SMIM22: variants seen among roughly 807,000 people sequenced by gnomAD.
The protein encoded by SMIM22 is small integral membrane protein 22.
SMIM22 carries 16 observed loss-of-function variants against 8.4 expected under a neutral mutation model. That is an observed-to-expected ratio of 1.90 (90% CI 1.29 to 2.89). SMIM22 has a LOEUF of 2.89. Ranked by LOEUF, SMIM22 falls within the 30% of genes most tolerant of loss-of-function variation. SMIM22 has a pLI of 0.00. For synonymous variants in SMIM22, 67 were observed against 47.6 expected, an observed-to-expected ratio of 1.41 and a Z score of -1.68; for missense variants, 159 against 107.5, an observed-to-expected ratio of 1.48 and a Z score of -2.12.
At chr16:4,794,299 G>T (rs957594844), upstream of SMIM22, among the ~76,000 whole-genome samples, 1 of 151,810 alleles carries the variant, frequency 6.6e-6, no homozygotes, top group Middle Eastern at 3.2e-3. Flanking sequence ...AGTAGAGATG[G>T]GGTTTTACCG....
chr16:4,794,988 A>G (rs2082609775), upstream of SMIM22: 1 of 152,364 alleles, frequency 6.6e-6, no homozygotes, highest in African/African-American at 2.4e-5. Context: ...GTACCCACGG[A>G]GGTGCTGGAA....
At chr16:4,793,845 T>G (rs1285382920), upstream of SMIM22, among the ~76,000 whole-genome samples, 1 of 151,890 alleles carries the variant, frequency 6.6e-6, no homozygotes. Flanking sequence ...GGTGCCATCT[T>G]GGCTCACTGC....
upstream of SMIM22, among the ~76,000 whole-genome samples, chr16:4,793,528 C>T (rs139997797): frequency 2.1e-4 from 32 of 152,198 alleles, no homozygotes; most frequent in East Asian, 4.8e-3. Flanking sequence ...GCACAGTGCT[C>T]GATGCAGAGC....
Position 4,796,250 on chromosome 16 carries a change from G to C in SMIM22, c.*19G>C. On this transcript the variant is annotated 3_prime_UTR_variant, in exon 4 of 4. Transcript: ENST00000586005. ...ACCCTGACCCTGTGTCTCCTGCCCG[G>C]TGGCAGTAACAAAGCCTTCTGTCTG... The C allele has an allele frequency of 6.5e-7, 1 of 1,535,316 alleles. No individual in the cohort carries two copies. Among genetic ancestry groups the C allele is most frequent in the Non-Finnish European group, 8.7e-7 (1 of 1,146,586 alleles).
upstream of SMIM22, among the ~76,000 whole-genome samples, chr16:4,794,581 T>TG (rs2082603055): frequency 1.3e-5 from 2 of 152,082 alleles, no homozygotes; most frequent in Non-Finnish European, 2.9e-5. Context: ...CCACCACGCC[T>TG]GGCTAATTTT....
At chr16:4,792,408 T>A (rs1235401118), upstream of SMIM22, among the ~76,000 whole-genome samples, 1 of 150,134 alleles carries the variant, frequency 6.7e-6, no homozygotes, top group African/African-American at 2.4e-5. Context: ...GCCAGGATGG[T>A]CTCGATCTCC....
chr16:4,793,673 A>G (rs1241354834), upstream of SMIM22, among the ~76,000 whole-genome samples: 1 of 152,216 alleles, frequency 6.6e-6, no homozygotes, highest in East Asian at 1.9e-4. Flanking sequence ...AAATATTTGG[A>G]AACAAATCAC....
rs2082645920 is a variant in SMIM22, at chr16:4,796,423, G to A, written c.*192G>A. 2 of 677,758 alleles carry A rather than the reference G, an allele frequency of 3.0e-6. 1 individual carries two copies. The highest frequency in any genetic ancestry group is 3.8e-5 in the South Asian group (2 of 52,352). 42.0% of individuals were successfully genotyped at this position (677,758 alleles called of 1,614,324 possible). A position where few individuals can be genotyped will look rare whatever the true frequency, so the allele number is the denominator to read the frequency against. On this transcript the variant is annotated 3_prime_UTR_variant, in exon 4 of 4. Transcript: ENST00000586005. ...CATCCTCAGTCACCTAGCTGGGAGG[G>A]GAGCTGGTCTCAGGCCGGGCGCGGT...
chr16:4,793,873 T>TTCAAGCGATTCTCC (rs1259331649), upstream of SMIM22, among the ~76,000 whole-genome samples: 1 of 151,934 alleles, frequency 6.6e-6, no homozygotes, highest in Non-Finnish European at 1.5e-5. Flanking sequence ...GCCTCCTGGG[T>TTCAAGCGATTCTCC]TCAAGCGATT....
chr16:4,795,499 T>G, intron 1 of SMIM22, 50 bp downstream of exon 1: 1 of 568,606 alleles, frequency 1.8e-6, no homozygotes, highest in South Asian at 2.2e-5. Context: ...AGAGGGGAGA[T>G]GACAGTGGCT....
Position 4,795,974 on chromosome 16 carries a change from G to C in SMIM22, c.151G>C (p.Val51Leu), listed in dbSNP as rs1199177375. The C allele has an allele frequency of 6.6e-7, 1 of 1,505,636 alleles. No homozygotes were observed. The highest frequency in any genetic ancestry group is 1.4e-5 in the African/African-American group (1 of 72,366). 93.3% of individuals were successfully genotyped at this position (1,505,636 alleles called of 1,614,324 possible). Residue 51 changes from valine to leucine, a missense_variant, in exon 3 of 4, where the codon GTC becomes CTC. Coordinates refer to ENST00000586005, the MANE Select transcript of SMIM22 (RefSeq NM_001253794.2). ...CACCGTGCTGCTCCTGCTGCTGCTGGTCGTCGCCCACTGCTGCTGCTGCAG... is the reference window on the plus strand; with the variant it reads ...CACCGTGCTGCTCCTGCTGCTGCTGCTCGTCGCCCACTGCTGCTGCTGCAG... Reference protein sequence around the residue: ...MGTVLLLLLLVVAHCCCCSSP... With the variant: ...MGTVLLLLLLLVAHCCCCSSP...
At chr16:4,794,678 C>T (rs1210221992), upstream of SMIM22, among the ~76,000 whole-genome samples, 1 of 152,220 alleles carries the variant, frequency 6.6e-6, no homozygotes, top group African/African-American at 2.4e-5. Flanking sequence ...CCTCTGCCTC[C>T]CAAAGTGCTG....
chr16:4,791,065 A>T (rs1335918101), upstream of SMIM22, among the ~76,000 whole-genome samples: 1 of 152,188 alleles, frequency 6.6e-6, no homozygotes, highest in Non-Finnish European at 1.5e-5. Flanking sequence ...CAGTAGACGT[A>T]CCTCTGGGGA....
chr16:4,789,954 AC>A (rs1340973459), intron 2 of SMIM22: 1 of 142,902 alleles, frequency 7.0e-6, no homozygotes, highest in Non-Finnish European at 1.5e-5. Context: ...TCACTTTGTC[AC>A]CCAAGTTGGA....
upstream of SMIM22, among the ~76,000 whole-genome samples, chr16:4,791,500 C>T (rs1325720892): frequency 2.0e-5 from 3 of 152,118 alleles, no homozygotes; most frequent in Non-Finnish European, 4.4e-5. Flanking sequence ...TATTAACATA[C>T]CCATTTTACA....
chr16:4,796,341 CCA>C lies in SMIM22; in HGVS notation c.*112_*113del. Reference sequence around the variant, plus strand: ...GGTGGGTGACGCGGGACTCGCCGCCCCACTCAGGTGGCCACCTGGCCTCTCCA... The same window carrying C: ...GGTGGGTGACGCGGGACTCGCCGCCCCTCAGGTGGCCACCTGGCCTCTCCA... On this transcript the variant is annotated 3_prime_UTR_variant, in exon 4 of 4. Transcript: ENST00000586005. 1 of 1,330,924 alleles carries C rather than the reference CCA, an allele frequency of 7.5e-7. No homozygotes were observed. The allele number at this position is 1,330,924 out of a possible 1,614,324, so 82.4% of individuals were successfully genotyped here. A position where few individuals can be genotyped will look rare whatever the true frequency, so the allele number is the denominator to read the frequency against.
At chr16:4,790,332 G>A (rs2082532696) in intron 2 of SMIM22, among the ~76,000 whole-genome samples, 1 of 152,194 alleles carries the variant, frequency 6.6e-6, no homozygotes, top group Non-Finnish European at 1.5e-5. Context: ...AGATGGGCGT[G>A]GCTGTGTCTA....
Position 4,796,059 on chromosome 16 carries a change from C to A in SMIM22, c.225+11C>A, listed in dbSNP as rs1567591762. On this transcript the variant is annotated intron_variant, in intron 3 of 3. Coordinates refer to ENST00000586005, the MANE Select transcript of SMIM22 (RefSeq NM_001253794.2). ...GTGAGCCCCTGGAAGGTGAGCCCTG[C>A]CGGCCTCTGGGACCTGCACGGAACT... 2 of 1,531,000 alleles carry A rather than the reference C, an allele frequency of 1.3e-6. No individual in the cohort carries two copies. Among genetic ancestry groups the A allele is most frequent in the African/African-American group, 1.4e-5 (1 of 72,520 alleles). The allele number at this position is 1,531,000 out of a possible 1,614,324, so 94.8% of individuals were successfully genotyped here. A position where few individuals can be genotyped will look rare whatever the true frequency, so the allele number is the denominator to read the frequency against.
At position 4,795,387 on chromosome 16, in the gene SMIM22, A is replaced by G; in HGVS notation, c.-83A>G. The G allele has an allele frequency of 3.8e-6, 1 of 261,080 alleles. No individual in the cohort carries two copies. The allele number at this position is 261,080 out of a possible 1,614,324, so 16.2% of individuals were successfully genotyped here. A position where few individuals can be genotyped will look rare whatever the true frequency, so the allele number is the denominator to read the frequency against. ...AGGCCTCAGGTGGTGTGGAGCCGGAAGCAGGAAGCAGCCTGTGCTCCCCAG... is the reference window on the plus strand; with the variant it reads ...AGGCCTCAGGTGGTGTGGAGCCGGAGGCAGGAAGCAGCCTGTGCTCCCCAG... On this transcript the variant is annotated 5_prime_UTR_variant, in exon 1 of 4. Transcript: ENST00000586005.
Sources: gnomAD v4.1 joint callset for allele counts (sites outside exome capture counted in the v4.1 genomes callset) on GRCh38, gnomAD v4.1.1 for gene constraint, MANE v1.5 for transcripts, NCBI Gene and HGNC (gene_info 2026-07-23, HGNC 2026-07-21) for gene names.